Variants in KLKB1 observed in about 807,000 individuals in gnomAD.
KLKB1 encodes plasma kallikrein.
KLKB1 carries 58 observed loss-of-function variants against 73.6 expected under a neutral mutation model. That is an observed-to-expected ratio of 0.79 (90% confidence interval 0.64 to 0.98). The LOEUF (loss-of-function observed/expected upper bound fraction) is 0.98. Ranked by LOEUF, KLKB1 falls within the 50% of genes least tolerant of loss-of-function variation. KLKB1 has a pLI of 0.00. For synonymous variants in KLKB1, 280 were observed against 258.1 expected (o/e 1.08, Z -0.81); for missense variants, 737 against 763.8 (o/e 0.96, Z 0.41).
At chr4:186,212,792 T>C (rs1561440896) in intron 2 of KLKB1, 1 of 152,222 alleles carries the variant, frequency 6.6e-6, no homozygotes, top group Non-Finnish European at 1.5e-5. Flanking sequence ...CTGGGCCATT[T>C]AAGACAGGGG....
chr4:186,216,260 C>T (rs1385341872), intron 2 of KLKB1, among the ~76,000 whole-genome samples: 1 of 152,154 alleles, frequency 6.6e-6, no homozygotes, highest in Non-Finnish European at 1.5e-5. Context: ...TATCGTTTTA[C>T]TCTTTCATTC....
In KLKB1 at chr4:186,257,316, A is replaced by T. The variant is rs561391447; in HGVS notation, c.1676A>T (p.Gln559Leu). The part of the protein sequence containing the change: ...QKRYQDYKIT[Q>L]RMVCAGYKEG... ...AGATATCAAGATTATAAAATAACCC[A>T]ACGGATGGTCTGTGCTGGCTATAAA... Residue 559 changes from glutamine to leucine, a missense_variant, in exon 14 of 15, where the codon CAA becomes CTA. Transcript: ENST00000264690. The T allele has an allele frequency of 6.2e-7, 1 of 1,606,138 alleles. No homozygotes were observed. Among genetic ancestry groups the T allele is most frequent in the East Asian group, 2.2e-5 (1 of 44,512 alleles).
chr4:186,243,857 C>T (rs1738186453), intron 6 of KLKB1, among the ~76,000 whole-genome samples: 1 of 152,188 alleles, frequency 6.6e-6, no homozygotes, highest in African/African-American at 2.4e-5. Flanking sequence ...ACAGCATAGC[C>T]TGCCTTTGCT....
chr4:186,240,424 C>T (rs75194466), intron 6 of KLKB1, among the ~76,000 whole-genome samples: 3,698 of 152,148 alleles, frequency 0.024, 156 homozygotes, highest in African/African-American at 0.085. Context: ...AAGGTCATTC[C>T]TTGGTTGTGT....
At chr4:186,229,737 G>A (rs891106821) in intron 2 of KLKB1, among the ~76,000 whole-genome samples, 1 of 152,110 alleles carries the variant, frequency 6.6e-6, no homozygotes, top group African/African-American at 2.4e-5. Context: ...TTTGCATCCT[G>A]ACATATTTAT....
At chr4:186,229,463 G>C (rs1737292455) in intron 2 of KLKB1, among the ~76,000 whole-genome samples, 1 of 152,134 alleles carries the variant, frequency 6.6e-6, no homozygotes, top group Non-Finnish European at 1.5e-5. Context: ...GTGCAAATAA[G>C]TAATATATTT....
chr4:186,212,866 C>T (rs72647303), intron 2 of KLKB1: 2 of 152,004 alleles, frequency 1.3e-5, no homozygotes, highest in African/African-American at 4.8e-5. Context: ...CAACCCAGGC[C>T]CTAAGTTGAT....
chr4:186,216,977 C>T lies in KLKB1; in HGVS notation c.201+7705C>T, dbSNP rs563960768. 5.3e-5 allele frequency among the ~76,000 whole-genome samples: 8 copies of T among 152,346 alleles called. No homozygotes were observed. In the South Asian group the frequency reaches 1.7e-3, roughly 32 times the overall value. On this transcript the variant is annotated intron_variant, in intron 2 of 14. Transcript: ENST00000511608. Reference sequence around the variant, plus strand: ...AATTGCTTTTCTCATGTAACATAATCATGGGCAGATGTGATATCTCGTTTT... The same window carrying T: ...AATTGCTTTTCTCATGTAACATAATTATGGGCAGATGTGATATCTCGTTTT...
intron 11 of KLKB1, 24 bp from the exon 12 acceptor site, chr4:186,254,564 C>T: frequency 1.2e-6 from 2 of 1,602,906 alleles, no homozygotes; most frequent in Non-Finnish European, 1.7e-6. Context: ...CAGTTTCAAA[C>T]AGGTATTTAT....
At chr4:186,221,978 C>T (rs1737042397), upstream of KLKB1, among the ~76,000 whole-genome samples, 1 of 152,102 alleles carries the variant, frequency 6.6e-6, no homozygotes, top group Non-Finnish European at 1.5e-5. Flanking sequence ...TTGTTATATC[C>T]TCTTAATGAA....
intron 2 of KLKB1, among the ~76,000 whole-genome samples, chr4:186,219,967 C>T (rs1736997544): frequency 6.6e-6 from 1 of 152,142 alleles, no homozygotes; most frequent in Non-Finnish European, 1.5e-5. Flanking sequence ...CTGCAACTCC[C>T]TTCTGAGCCT....
At chr4:186,256,143 A>G (rs1738982416) in intron 13 of KLKB1, 56 bp downstream of exon 13, 1 of 1,071,892 alleles carries the variant, frequency 9.3e-7, no homozygotes, top group Non-Finnish European at 1.5e-6. Flanking sequence ...GTTGAAATAC[A>G]TGGAGTGGGT....
chr4:186,252,278 G>T, intron 11 of KLKB1, 93 bp downstream of exon 11: 2 of 1,340,608 alleles, frequency 1.5e-6, no homozygotes, highest in Non-Finnish European at 1.1e-6. Context: ...GTGACTTTAT[G>T]AATAGAGACG....
At chr4:186,248,341 A>G (rs1275413794) in intron 6 of KLKB1, among the ~76,000 whole-genome samples, 2 of 151,946 alleles carry the variant, frequency 1.3e-5, no homozygotes, top group East Asian at 1.9e-4. Flanking sequence ...TACTCCTCCA[A>G]TCCCCTGGCA....
Position 186,257,314 on chromosome 4 carries a change from C to T in KLKB1, c.1674C>T (p.Thr558=), listed in dbSNP as rs1251081277. The part of the protein sequence containing the change: ...CQKRYQDYKI[T]QRMVCAGYKE... ...AAAGATATCAAGATTATAAAATAAC[C>T]CAACGGATGGTCTGTGCTGGCTATA... Residue 558 remains threonine, a synonymous_variant, in exon 14 of 15, where the codon ACC becomes ACT. Coordinates refer to ENST00000264690, the MANE Select transcript of KLKB1 (RefSeq NM_000892.5). The T allele has an allele frequency of 3.7e-6, 6 of 1,604,028 alleles. No individual in the cohort carries two copies. In the East Asian group the frequency reaches 9.0e-5, roughly 24 times the overall value.
rs1248662543 is a variant in KLKB1, at chr4:186,235,069, C to A, written c.328+1011C>A. On this transcript the variant is annotated intron_variant, in intron 4 of 14. Coordinates refer to ENST00000264690, the MANE Select transcript of KLKB1 (RefSeq NM_000892.5). ...TTGAGCCTGCTGTTTGCATTTTAACCAGTTATCAAAGGATGGCAATGCCTT... is the reference window on the plus strand; with the variant it reads ...TTGAGCCTGCTGTTTGCATTTTAACAAGTTATCAAAGGATGGCAATGCCTT... Among the ~76,000 whole-genome samples the A allele has an allele frequency of 3.3e-5, 5 of 152,140 alleles. No homozygotes were observed. In the East Asian group the frequency reaches 9.6e-4, roughly 29 times the overall value.
In KLKB1 at chr4:186,253,325, T is replaced by C. The variant is rs554614402; in HGVS notation, c.1313+1140T>C. ...AAATTCATGCTTACATGCTGTATAC[T>C]AGGATTGAACATACTGCCACCAAAA... On this transcript the variant is annotated intron_variant, in intron 11 of 14. Transcript: ENST00000264690. Among the ~76,000 whole-genome samples the C allele has an allele frequency of 3.9e-5, 6 of 152,334 alleles. No homozygotes were observed. In the South Asian group the frequency reaches 1.2e-3, roughly 32 times the overall value.
intron 2 of KLKB1, among the ~76,000 whole-genome samples, chr4:186,217,630 G>C (rs925381355): frequency 6.6e-6 from 1 of 152,332 alleles, no homozygotes; most frequent in African/African-American, 2.4e-5. Flanking sequence ...AGGAGATTTA[G>C]TGGGCAGGTC....
At chr4:186,241,247 C>T (rs1457392662) in intron 6 of KLKB1, among the ~76,000 whole-genome samples, 1 of 152,052 alleles carries the variant, frequency 6.6e-6, no homozygotes, top group Non-Finnish European at 1.5e-5. Flanking sequence ...CTGTAGTTAT[C>T]ACTACAGATT....
Sources: gnomAD v4.1 joint callset for allele counts (sites outside exome capture counted in the v4.1 genomes callset) on GRCh38, gnomAD v4.1.1 for gene constraint, MANE v1.5 for transcripts, NCBI Gene and HGNC (gene_info 2026-07-23, HGNC 2026-07-21) for gene names.